Variants in CORO2B observed in about 807,000 individuals in gnomAD.
The protein encoded by CORO2B is coronin-2B.
Under a neutral mutation model 58.8 loss-of-function variants are expected in CORO2B, and 26 were observed. The observed-to-expected ratio is 0.44, with a 90% CI of 0.32 to 0.61. CORO2B has a LOEUF of 0.61. Among genes scored for constraint, CORO2B ranks in the 20% least tolerant of loss-of-function variants. The pLI, the probability that CORO2B is intolerant of heterozygous loss-of-function variation, is 0.04. For missense variants in CORO2B, 460 were observed against 645.1 expected, an observed-to-expected ratio of 0.71 and a Z score of 3.11; for synonymous variants, 242 against 253.8, an observed-to-expected ratio of 0.95 and a Z score of 0.44.
the CORO2B span, among the ~76,000 whole-genome samples, chr15:68,524,752 G>A: frequency 4.6e-5 from 7 of 152,128 alleles, no homozygotes; most frequent in Non-Finnish European, 8.8e-5. Flanking sequence ...CTTTTCTGTT[G>A]GAGGCTCCCT....
intron 2 of CORO2B, among the ~76,000 whole-genome samples, chr15:68,681,648 T>C (rs1596010269): frequency 6.6e-6 from 1 of 151,878 alleles, no homozygotes; most frequent in South Asian, 2.1e-4. Context: ...TAGAGGGCAG[T>C]TGGGGGTGGG....
At chr15:68,721,476 C>T (rs553153620) in intron 11 of CORO2B, among the ~76,000 whole-genome samples, 83 of 151,934 alleles carry the variant, frequency 5.5e-4, no homozygotes, top group South Asian at 8.3e-4. Flanking sequence ...GAGGCCAAGG[C>T]GGGTGGATCA....
At chr15:68,631,505 T>C (rs137913871) in intron 1 of CORO2B, among the ~76,000 whole-genome samples, 1 of 152,346 alleles carries the variant, frequency 6.6e-6, no homozygotes, top group East Asian at 1.9e-4. Context: ...AGCCATCCTC[T>C]GTTTGGCCCA....
chr15:68,598,631 G>A (rs186392942), intron 1 of CORO2B, among the ~76,000 whole-genome samples: 7 of 152,068 alleles, frequency 4.6e-5, no homozygotes, highest in Non-Finnish European at 8.8e-5. Flanking sequence ...GGCCTTGAAC[G>A]CCCCTCTGCA....
chr15:68,719,752 C>A (rs1470974965), intron 11 of CORO2B, among the ~76,000 whole-genome samples, 200 bp downstream of exon 11: 1 of 152,170 alleles, frequency 6.6e-6, no homozygotes, highest in Non-Finnish European at 1.5e-5. Context: ...GATATCGGTT[C>A]CCCACACCAC....
intron 11 of CORO2B, among the ~76,000 whole-genome samples, chr15:68,719,759 C>G (rs898285140): frequency 1.3e-5 from 2 of 152,210 alleles, no homozygotes; most frequent in Non-Finnish European, 1.5e-5. Context: ...GTTCCCCACA[C>G]CACCCCCACG....
chr15:68,643,383 G>A (rs1901320234), intron 1 of CORO2B, among the ~76,000 whole-genome samples: 1 of 152,130 alleles, frequency 6.6e-6, no homozygotes, highest in Non-Finnish European at 1.5e-5. Context: ...GCCTGGGGAG[G>A]GGAAAGGGCA....
intron 1 of CORO2B, among the ~76,000 whole-genome samples, chr15:68,612,518 T>G (rs954331255): frequency 1.3e-5 from 2 of 152,170 alleles, no homozygotes; most frequent in African/African-American, 4.8e-5. Context: ...GCAGGAAAAC[T>G]GAGAGCTGTT....
In CORO2B at chr15:68,714,615, G is replaced by C; in HGVS notation, c.822G>C (p.Leu274=). The C allele has an allele frequency of 6.2e-7, 1 of 1,614,104 alleles. No individual in the cohort carries two copies. The highest frequency in any genetic ancestry group is 8.5e-7 in the Non-Finnish European group (1 of 1,180,014). ...EEEIDGLSGL[L]FPFYDADTHM... ...AAATTGATGGGCTCTCTGGCCTCCT[G>C]TTCCCCTTCTATGATGCTGACACCC... The change falls in exon 7 of 12, where the codon CTG becomes CTC. Residue 274 remains leucine (L), a synonymous_variant. Coordinates refer to ENST00000261861, the MANE Select transcript of CORO2B (RefSeq NM_006091.5).
intron 1 of CORO2B, among the ~76,000 whole-genome samples, chr15:68,612,438 A>G (rs902998270): frequency 6.6e-6 from 1 of 152,224 alleles, no homozygotes; most frequent in Non-Finnish European, 1.5e-5. Context: ...GAAATGTCCA[A>G]CACTGCAGAG....
intron 1 of CORO2B, among the ~76,000 whole-genome samples, chr15:68,604,347 A>G (rs1900054985): frequency 6.6e-6 from 1 of 152,084 alleles, no homozygotes; most frequent in Non-Finnish European, 1.5e-5. Context: ...CGCCTTTCCT[A>G]CCACGAGCAG....
intron 1 of CORO2B, among the ~76,000 whole-genome samples, chr15:68,641,838 C>G (rs1027796928): frequency 6.6e-6 from 1 of 152,114 alleles, no homozygotes; most frequent in Admixed American, 6.5e-5. Flanking sequence ...ATCCTCCCAC[C>G]TCAGCCTCCC....
At chr15:68,558,962 G>A in the CORO2B span, among the ~76,000 whole-genome samples, 15 of 152,160 alleles carry the variant, frequency 9.9e-5, no homozygotes, top group Admixed American at 6.5e-4. Context: ...GACCCACGCC[G>A]GCCACGCAGG....
intron 1 of CORO2B, among the ~76,000 whole-genome samples, chr15:68,640,642 T>C (rs1194604065): frequency 1.3e-5 from 2 of 151,898 alleles, no homozygotes; most frequent in Non-Finnish European, 2.9e-5. Flanking sequence ...GTAAAAGGCA[T>C]TGGGGGGAAA....
chr15:68,726,195 T>G lies in CORO2B; in HGVS notation c.*221T>G. On this transcript the variant is annotated 3_prime_UTR_variant, in exon 12 of 12. Coordinates refer to ENST00000261861, the MANE Select transcript of CORO2B (RefSeq NM_006091.5). Reference sequence around the variant, plus strand: ...CTGGAGACCCCCTGCCGGCAGCCCCTTTCCCTGCCACCCCAGGAGCCAGGC... The same window carrying G: ...CTGGAGACCCCCTGCCGGCAGCCCCGTTCCCTGCCACCCCAGGAGCCAGGC... 5.7e-6 allele frequency: 3 copies of G among 529,624 alleles called. No homozygotes were observed. The highest frequency in any genetic ancestry group is 9.8e-6 in the Non-Finnish European group (3 of 306,974). The allele number at this position is 529,624 out of a possible 1,614,324, so 32.8% of individuals were successfully genotyped here.
chr15:68,573,627 G>A, the CORO2B span, among the ~76,000 whole-genome samples: 171 of 152,244 alleles, frequency 1.1e-3, no homozygotes, highest in African/African-American at 1.8e-3. Context: ...GGGGGACAGC[G>A]GCTGGGTGAC....
At chr15:68,599,248 T>C (rs1362215759) in intron 1 of CORO2B, among the ~76,000 whole-genome samples, 41 of 152,178 alleles carry the variant, frequency 2.7e-4, no homozygotes, top group Non-Finnish European at 1.5e-5. Context: ...CCAAACTCTA[T>C]CCTTCTCATG....
At chr15:68,636,450 C>A (rs1373083289) in intron 1 of CORO2B, among the ~76,000 whole-genome samples, 1 of 152,224 alleles carries the variant, frequency 6.6e-6, no homozygotes, top group Non-Finnish European at 1.5e-5. Flanking sequence ...GTATCCTCCC[C>A]TCTAGAGACT....
At chr15:68,578,376 C>T (rs1404088172), upstream of CORO2B, among the ~76,000 whole-genome samples, 1 of 152,228 alleles carries the variant, frequency 6.6e-6, no homozygotes, top group Admixed American at 6.5e-5. The surrounding 1 kb of genome is among the most constrained non-coding windows in gnomAD (Gnocchi z 4.2). Flanking sequence ...ACGTCCGTCC[C>T]ACTCTGATCG....
Sources: allele counts gnomAD v4.1 joint callset (sites outside exome capture counted in the v4.1 genomes callset), GRCh38; gene constraint gnomAD v4.1.1; non-coding constraint Gnocchi (gnomAD v3.1); transcripts MANE v1.5; gene names NCBI Gene and HGNC (gene_info 2026-07-23, HGNC 2026-07-21).